CYP7B1: variants seen among roughly 807,000 people sequenced by gnomAD.
CYP7B1 encodes the protein cytochrome P450 7B1.
In CYP7B1, 29 loss-of-function variants were observed where a neutral mutation model predicts 42.7. The ratio of observed to expected loss-of-function variants is 0.68; its 90% CI spans 0.51 to 0.93. The LOEUF (loss-of-function observed/expected upper bound fraction) is 0.93. Among genes scored for constraint, CYP7B1 ranks in the 40% least tolerant of loss-of-function variants. The pLI is 0.00. For missense variants in CYP7B1, 655 were observed against 600.5 expected (o/e 1.09, Z -0.95); for synonymous variants, 235 against 218.2 (o/e 1.08, Z -0.68).
intron 2 of CYP7B1, among the ~76,000 whole-genome samples, chr8:64,619,543 T>A (rs1805496962): frequency 1.3e-5 from 2 of 152,204 alleles, no homozygotes; most frequent in African/African-American, 4.8e-5. Flanking sequence ...CATTCTTAGA[T>A]GCAGTAAATT....
intron 1 of CYP7B1, among the ~76,000 whole-genome samples, chr8:64,721,396 T>C (rs73689577): frequency 1.3e-3 from 195 of 152,334 alleles, no homozygotes; most frequent in African/African-American, 4.4e-3. Flanking sequence ...CTGTATTTTA[T>C]TTGGTATTAT....
At chr8:64,789,534 G>A (rs1804583782) in intron 1 of CYP7B1, among the ~76,000 whole-genome samples, 1 of 152,174 alleles carries the variant, frequency 6.6e-6, no homozygotes, top group African/African-American at 2.4e-5. Flanking sequence ...GAAGATGACT[G>A]TGGGCATGCC....
chr8:64,763,481 A>T (rs1250074506), intron 1 of CYP7B1, among the ~76,000 whole-genome samples: 1 of 152,210 alleles, frequency 6.6e-6, no homozygotes, highest in Non-Finnish European at 1.5e-5. Flanking sequence ...TCATACAGGG[A>T]TTCTCTAAAG....
chr8:64,774,889 G>A (rs1304423111), intron 1 of CYP7B1, among the ~76,000 whole-genome samples: 1 of 152,128 alleles, frequency 6.6e-6, no homozygotes, highest in Non-Finnish European at 1.5e-5. Context: ...AAGTAAGTAA[G>A]GGAGCTAGTA....
chr8:64,784,985 A>G (rs1471265659), intron 1 of CYP7B1, among the ~76,000 whole-genome samples: 2 of 152,242 alleles, frequency 1.3e-5, no homozygotes, highest in African/African-American at 4.8e-5. Context: ...AATATCCAAA[A>G]TATACAAAGA....
chr8:64,728,154 T>A (rs575968663), intron 1 of CYP7B1: 1 of 152,366 alleles, frequency 6.6e-6, no homozygotes, highest in East Asian at 1.9e-4. Context: ...TTTTTTATAA[T>A]GCCAGAAAGA....
chr8:64,607,743 GA>G (rs940711796), intron 4 of CYP7B1, among the ~76,000 whole-genome samples: 2 of 152,208 alleles, frequency 1.3e-5, no homozygotes, highest in Non-Finnish European at 2.9e-5. Context: ...CTTTCATATG[GA>G]AGTTAATTTT....
chr8:64,765,853 C>T (rs1233354397), intron 1 of CYP7B1, among the ~76,000 whole-genome samples: 1 of 152,134 alleles, frequency 6.6e-6, no homozygotes, highest in East Asian at 1.9e-4. Flanking sequence ...CCCTCTCAGA[C>T]TTGAAGCAAA....
At chr8:64,675,868 T>C (rs925020274) in intron 1 of CYP7B1, among the ~76,000 whole-genome samples, 3 of 152,140 alleles carry the variant, frequency 2.0e-5, no homozygotes, top group Non-Finnish European at 2.9e-5. Context: ...CCAAGGCCAG[T>C]CCTTAGAGGT....
chr8:64,758,129 T>C (rs1005745281), intron 1 of CYP7B1, among the ~76,000 whole-genome samples: 1 of 152,104 alleles, frequency 6.6e-6, no homozygotes, highest in African/African-American at 2.4e-5. Context: ...TACCACCTAT[T>C]CCTATGGTTA....
intron 1 of CYP7B1, among the ~76,000 whole-genome samples, chr8:64,712,370 C>T (rs1294470760): frequency 1.3e-5 from 2 of 151,986 alleles, no homozygotes; most frequent in African/African-American, 4.8e-5. Context: ...ACAGGCTGCC[C>T]TGCCTAGGGA....
chr8:64,591,455 T>C lies in CYP7B1; in HGVS notation c.*5187A>G, dbSNP rs1223851378. Among the ~76,000 whole-genome samples, 1 of 152,200 alleles carries C rather than the reference T, an allele frequency of 6.6e-6. No individual in the cohort carries two copies. Among genetic ancestry groups the C allele is most frequent in the Non-Finnish European group, 1.5e-5 (1 of 68,020 alleles). ...GGGCATGTAATTCCTGTTCACATAA[T>C]TATTGCCATTCTTTTATACTAGGAT... On this transcript the variant is annotated 3_prime_UTR_variant, in exon 6 of 6. Coordinates refer to ENST00000310193, the MANE Select transcript of CYP7B1 (RefSeq NM_004820.5).
chr8:64,654,534 A>G (rs1387149022), intron 1 of CYP7B1, among the ~76,000 whole-genome samples: 1 of 152,218 alleles, frequency 6.6e-6, no homozygotes, highest in Non-Finnish European at 1.5e-5. Context: ...CCACAAACAA[A>G]TGGAAAAACA....
In CYP7B1 at chr8:64,615,798, C is replaced by T. The variant is rs763482203; in HGVS notation, c.743G>A (p.Cys248Tyr). ...VKSIREKIIK[C>Y]FSSEKLAKMQ... ...CTTGGCTAACTTTTCTGATGAGAAG[C>T]ATTTTATAATTTTCTCTCTAATAGA... is the stretch of plus-strand genomic sequence containing the variant. The change falls in exon 3 of 6, where the codon TGC (cysteine) becomes TAC (tyrosine). Residue 248 changes from cysteine to tyrosine, a missense_variant. Cys to Tyr is a radical substitution (Grantham distance 194, BLOSUM62 -2). Coordinates refer to ENST00000310193, the MANE Select transcript of CYP7B1 (RefSeq NM_004820.5). The T allele has an allele frequency of 6.2e-7, 1 of 1,613,718 alleles. No individual in the cohort carries two copies. Among genetic ancestry groups the T allele is most frequent in the South Asian group, 1.1e-5 (1 of 91,068 alleles).
chr8:64,674,018 A>T (rs1302394298), intron 1 of CYP7B1, among the ~76,000 whole-genome samples: 2 of 152,012 alleles, frequency 1.3e-5, no homozygotes, highest in Non-Finnish European at 2.9e-5. Context: ...GCTTTTTTTC[A>T]CCCCTTCCCT....
intron 1 of CYP7B1, among the ~76,000 whole-genome samples, chr8:64,772,711 A>T (rs766197865): frequency 6.6e-6 from 1 of 152,160 alleles, no homozygotes; most frequent in Non-Finnish European, 1.5e-5. Context: ...AAATCAAATT[A>T]CCTGACTCCT....
intron 1 of CYP7B1, among the ~76,000 whole-genome samples, chr8:64,784,550 T>C (rs542008330): frequency 1.4e-3 from 211 of 152,308 alleles, no homozygotes; most frequent in Admixed American, 2.3e-3. Flanking sequence ...GCACCTAGTA[T>C]GTATCTGGTA....
At chr8:64,601,514 T>C (rs1805202326) in intron 5 of CYP7B1, among the ~76,000 whole-genome samples, 1 of 152,202 alleles carries the variant, frequency 6.6e-6, no homozygotes. Context: ...TATCTTGCAT[T>C]GTGGCAGAAA....
At chr8:64,687,259 A>T (rs73241699) in intron 1 of CYP7B1, among the ~76,000 whole-genome samples, 5,446 of 152,352 alleles carry the variant, frequency 0.036, 341 homozygotes, top group African/African-American at 0.12. Context: ...AGTCATAAAA[A>T]GGAAAGAGCT....
Sources: gnomAD v4.1 joint callset for allele counts (sites outside exome capture counted in the v4.1 genomes callset) on GRCh38, gnomAD v4.1.1 for gene constraint, MANE v1.5 for transcripts, NCBI Gene and HGNC (gene_info 2026-07-23, HGNC 2026-07-21) for gene names.